Variants in AGAP3 observed in about 807,000 individuals in gnomAD.
The protein encoded by AGAP3 is ArfGAP with GTPase domain, ankyrin repeat and PH domain 3, also known as arf-GAP with GTPase, ANK repeat and PH domain-containing protein 3.
A neutral mutation model predicts 96.9 loss-of-function variants in AGAP3; 24 were observed. The ratio of observed to expected loss-of-function variants is 0.25; its 90% CI spans 0.18 to 0.35. The LOEUF is 0.35. Among genes scored for constraint, AGAP3 ranks in the 10% least tolerant of loss-of-function variants. AGAP3 has a pLI of 1.00. For synonymous variants in AGAP3, 563 were observed against 536.1 expected (o/e 1.05, Z -0.69); for missense variants, 876 against 1,254.2 (o/e 0.70, Z 4.55).
chr7:151,123,363 G>C, intron 8 of AGAP3: 2 of 1,044,198 alleles, frequency 1.9e-6, no homozygotes, highest in Middle Eastern at 4.6e-4. Flanking sequence ...ACGCCGACGC[G>C]CTCGGTGCCA....
chr7:151,092,296 G>A (rs755245727), intron 1 of AGAP3, among the ~76,000 whole-genome samples: 1 of 152,152 alleles, frequency 6.6e-6, no homozygotes, highest in Non-Finnish European at 1.5e-5. Context: ...AGCCAAGGCT[G>A]GGGGGAGACA....
rs1467585240 is a variant in AGAP3 at position 151,128,700 on chromosome 7, G to T, written c.1326+16G>T. On this transcript the variant is annotated intron_variant, in intron 10 of 17. Transcript: ENST00000397238. ...CAGCCTGCATGTGAGTCTGGGAGGA[G>T]GAGCCTCCTGGGGGAGTATGGGGAG... The T allele has an allele frequency of 2.5e-6, 4 of 1,605,258 alleles. No homozygotes were observed. Among genetic ancestry groups the T allele is most frequent in the African/African-American group, 1.3e-5 (1 of 74,716 alleles).
At chr7:151,093,524 G>T (rs977525513) in intron 1 of AGAP3, among the ~76,000 whole-genome samples, 7 of 152,242 alleles carry the variant, frequency 4.6e-5, no homozygotes, top group Non-Finnish European at 1.0e-4. Context: ...CCATTCAAAT[G>T]TAGAAGTAGG....
At position 151,117,640 on chromosome 7, in the gene AGAP3, C is replaced by G; in HGVS notation, c.569C>G (p.Ala190Gly). The G allele has an allele frequency of 6.2e-7, 1 of 1,614,042 alleles. No individual in the cohort carries two copies. Among genetic ancestry groups the G allele is most frequent in the Non-Finnish European group, 8.5e-7 (1 of 1,179,926 alleles). ...ATTTTACTTGCTCTACCCTAGTTTG[C>G]TGCCTGGGTGGATGCAGTGGTGTTT... is the stretch of plus-strand genomic sequence containing the variant. Reference protein sequence around the residue: ...DEGGPPELQFAAWVDAVVFVF... With the variant: ...DEGGPPELQFGAWVDAVVFVF... Residue 190 changes from alanine to glycine, a missense_variant, in exon 5 of 18, where the codon GCT becomes GGT. Coordinates refer to ENST00000397238, the MANE Select transcript of AGAP3 (RefSeq NM_031946.7).
chr7:151,134,712 G>A (rs934402505), intron 11 of AGAP3, 144 bp downstream of exon 11: 2 of 864,354 alleles, frequency 2.3e-6, no homozygotes, highest in African/African-American at 3.4e-5. Context: ...CCAAAGACAT[G>A]TGCCCTAACG....
chr7:151,108,272 G>A lies in AGAP3; in HGVS notation c.332-8521G>A, dbSNP rs1325430115. 6.6e-6 allele frequency among the ~76,000 whole-genome samples: 1 copy of A among 152,170 alleles called. No homozygotes were observed. On this transcript the variant is annotated intron_variant, in intron 1 of 17. Transcript: ENST00000397238. This position sits in a 1 kb window ranked among gnomAD's most constrained non-coding sequence, Gnocchi z 4.2. ...TCATGGATAGACAGGAAAACAAACT[G>A]CTCTCAAGTACCATCTGTAGTACTA... is the stretch of plus-strand genomic sequence containing the variant.
chr7:151,112,391 CGAGACGT>C (rs1273057655), intron 1 of AGAP3: 2 of 134,740 alleles, frequency 1.5e-5, no homozygotes, highest in African/African-American at 5.7e-5. Context: ...CTGCCTTCCC[CGAGACGT>C]GTGTGTGTGT....
chr7:151,129,452 C>T (rs1230311280), intron 10 of AGAP3, among the ~76,000 whole-genome samples: 3 of 152,112 alleles, frequency 2.0e-5, no homozygotes, highest in Non-Finnish European at 4.4e-5. Context: ...CACCCAGGCC[C>T]GAGAGCACCG....
At chr7:151,104,675 G>A (rs1417049351) in intron 1 of AGAP3, among the ~76,000 whole-genome samples, 4 of 152,236 alleles carry the variant, frequency 2.6e-5, no homozygotes, top group African/African-American at 7.2e-5. Context: ...ACCCACGGCT[G>A]GTGGAGAGCA....
chr7:151,115,061 G>A (rs1799485991), intron 1 of AGAP3: 1 of 1,012,980 alleles, frequency 9.9e-7, no homozygotes, highest in South Asian at 3.8e-5. Context: ...CGCCCGTCTC[G>A]CCTGCGCCCA....
Position 151,141,328 on chromosome 7 carries a change from T to C in AGAP3, c.1805-570T>C, listed in dbSNP as rs1800803107. 1 of 166,764 alleles carries C rather than the reference T, an allele frequency of 6.0e-6. No individual in the cohort carries two copies. The highest frequency in any genetic ancestry group is 5.8e-5 in the Admixed American group (1 of 17,306). The allele number at this position is 166,764 out of a possible 1,614,324, so 10.3% of individuals were successfully genotyped here. On this transcript the variant is annotated intron_variant, in intron 13 of 17. Transcript: ENST00000397238. The surrounding 1 kb of genome is among the most constrained non-coding windows in gnomAD (Gnocchi z 4.2). ...CTATTTGCTCACATACTGCAGGTCCTGTAGAAAACCTCTCCTCCTCTCCCC... is the reference window on the plus strand; with the variant it reads ...CTATTTGCTCACATACTGCAGGTCCCGTAGAAAACCTCTCCTCCTCTCCCC...
intron 1 of AGAP3, among the ~76,000 whole-genome samples, chr7:151,095,233 T>C (rs561171319): frequency 6.6e-6 from 1 of 152,348 alleles, no homozygotes; most frequent in South Asian, 2.1e-4. Flanking sequence ...AGTCAGGCAC[T>C]GTCTGAGTTC....
intron 10 of AGAP3, 68 bp downstream of exon 10, chr7:151,128,752 G>T: frequency 1.5e-6 from 2 of 1,364,286 alleles, no homozygotes; most frequent in South Asian, 1.2e-5. Flanking sequence ...AACAGAATGC[G>T]GGTAGCAGAC....
chr7:151,087,193 C>G (rs1488403318), intron 1 of AGAP3, 121 bp downstream of exon 1: 1 of 1,084,052 alleles, frequency 9.2e-7, no homozygotes, highest in Admixed American at 2.2e-5. Flanking sequence ...CGCTTGAGGA[C>G]CAGGCCACGA....
chr7:151,097,582 A>C lies in AGAP3; in HGVS notation c.331+10510A>C, dbSNP rs1798659725. 2.0e-5 allele frequency among the ~76,000 whole-genome samples: 3 copies of C among 151,768 alleles called. No individual in the cohort carries two copies. The South Asian group carries it at 6.2e-4, about 32-fold the overall frequency. On this transcript the variant is annotated intron_variant, in intron 1 of 17. Transcript: ENST00000397238. ...TGGCTGACAGTTCAGCAGGTTGTGC[A>C]GGAAGGTGGTGCTAGCATCTGCTGT...
intron 1 of AGAP3, among the ~76,000 whole-genome samples, chr7:151,106,099 C>T (rs956188925): frequency 3.3e-5 from 5 of 152,036 alleles, no homozygotes; most frequent in East Asian, 3.9e-4. Context: ...ATTTCTGCCC[C>T]GCCAACAGAG....
chr7:151,120,643 G>A (rs893435710), intron 8 of AGAP3: 27 of 1,286,318 alleles, frequency 2.1e-5, no homozygotes, highest in Admixed American at 4.7e-5. Flanking sequence ...CCCCACTGCC[G>A]AGGGGAAAAT....
Position 151,096,534 on chromosome 7 carries a change from G to A in AGAP3, c.331+9462G>A, listed in dbSNP as rs866173863. On this transcript the variant is annotated intron_variant, in intron 1 of 17. Coordinates refer to ENST00000397238, the MANE Select transcript of AGAP3 (RefSeq NM_031946.7). This position sits in a 1 kb window ranked among gnomAD's most constrained non-coding sequence, Gnocchi z 4.4. ...GTCGCCCAGGCTGGAGTGCAGTGGC[G>A]CGATCTCGGCTCACTGCAACCTCTG... Among the ~76,000 whole-genome samples, 2 of 150,540 alleles carry A rather than the reference G, an allele frequency of 1.3e-5. No individual in the cohort carries two copies. The highest frequency in any genetic ancestry group is 2.1e-4 in the South Asian group (1 of 4,768).
At chr7:151,090,598 G>C (rs1334713295) in intron 1 of AGAP3, 2 of 152,660 alleles carry the variant, frequency 1.3e-5, no homozygotes, top group African/African-American at 4.8e-5. Context: ...GCTAGACAGA[G>C]AAGGGGCCAC....
Sources: allele counts gnomAD v4.1 joint callset (sites outside exome capture counted in the v4.1 genomes callset), GRCh38; gene constraint gnomAD v4.1.1; non-coding constraint Gnocchi (gnomAD v3.1); transcripts MANE v1.5; gene names NCBI Gene and HGNC (gene_info 2026-07-23, HGNC 2026-07-21).